TLE2: variants seen among roughly 807,000 people sequenced by gnomAD.
The protein encoded by TLE2 is transducin-like enhancer protein 2.
TLE2 carries 74 observed loss-of-function variants against 97.2 expected under a neutral mutation model. The ratio of observed to expected loss-of-function variants is 0.76; its 90% CI spans 0.63 to 0.92. The LOEUF (loss-of-function observed/expected upper bound fraction) is 0.92. Ranked by LOEUF, TLE2 falls within the 40% of genes least tolerant of loss-of-function variation. TLE2 has a pLI of 0.00. For synonymous variants in TLE2, 499 were observed against 432.1 expected, an observed-to-expected ratio of 1.15 and a Z score of -1.92; for missense variants, 1,038 against 1,008.7, an observed-to-expected ratio of 1.03 and a Z score of -0.39.
chr19:3,017,807 T>C lies in TLE2; in HGVS notation c.570+33A>G, dbSNP rs370115443. The C allele has an allele frequency of 7.5e-6, 12 of 1,606,434 alleles. 1 individual carries two copies. In the South Asian group the frequency reaches 1.2e-4, roughly 16 times the overall value. ...AGAACCAGCGTTGGCCTCCCAAGAA[T>C]ATAAAAAGAGTCCCAGGGTGCCACT... On this transcript the variant is annotated intron_variant, in intron 8 of 19. Coordinates refer to ENST00000262953, the MANE Select transcript of TLE2 (RefSeq NM_003260.5).
At chr19:2,999,110 C>A (rs1157171849) in intron 19 of TLE2, among the ~76,000 whole-genome samples, 2 of 152,004 alleles carry the variant, frequency 1.3e-5, no homozygotes, top group Admixed American at 1.3e-4. Context: ...GGGGAATCCC[C>A]GTCTCTACTA....
intron 11 of TLE2, among the ~76,000 whole-genome samples, chr19:3,011,511 G>C (rs1180191006): frequency 8.3e-6 from 1 of 119,910 alleles, no homozygotes; most frequent in Non-Finnish European, 1.7e-5. Flanking sequence ...CAGCCTGGGA[G>C]ACAGAGCGAC....
chr19:3,009,457 C>G (rs2089543650), intron 13 of TLE2, 85 bp downstream of exon 13: 2 of 1,442,012 alleles, frequency 1.4e-6, no homozygotes, highest in East Asian at 2.5e-5. Context: ...ACTCCCTTGT[C>G]TCTCCTTGTG....
upstream of TLE2, chr19:3,029,703 C>T (rs186210105): frequency 6.1e-3 from 939 of 152,690 alleles, 14 homozygotes; most frequent in Non-Finnish European, 5.0e-3. Flanking sequence ...AAGGGAATCT[C>T]ACAGCAAACA....
intron 5 of TLE2, chr19:3,020,300 A>G (rs1484708069): frequency 6.5e-6 from 1 of 154,336 alleles, no homozygotes; most frequent in Non-Finnish European, 1.4e-5. Context: ...AACCAAAGAC[A>G]TCTGGGGCTG....
chr19:3,014,691 G>T (rs767687919), intron 9 of TLE2, 77 bp from the exon 10 acceptor site: 130 of 1,377,306 alleles, frequency 9.4e-5, no homozygotes, highest in Non-Finnish European at 1.2e-4. Context: ...CTCAGGAGTT[G>T]GAGGCATGAG....
At chr19:3,006,740 G>A in intron 14 of TLE2, 71 bp from the exon 15 acceptor site, 1 of 1,513,806 alleles carries the variant, frequency 6.6e-7, no homozygotes, top group South Asian at 1.3e-5. Context: ...GGAGGGCAGG[G>A]AGACGCCTTT....
chr19:3,041,009 A>AT (rs2090097410), intron 1 of TLE2, among the ~76,000 whole-genome samples: 3 of 36,808 alleles, frequency 8.2e-5, no homozygotes, highest in Non-Finnish European at 1.4e-4. Context: ...ATATATATAT[A>AT]TATATTTTTT....
intron 19 of TLE2, among the ~76,000 whole-genome samples, chr19:3,000,310 C>T (rs1409216872): frequency 1.3e-5 from 2 of 151,784 alleles, no homozygotes; most frequent in East Asian, 3.9e-4. Flanking sequence ...CTCCTGACCT[C>T]GTGATCCGCC....
chr19:3,035,003 G>A (rs773867788), intron 1 of TLE2, among the ~76,000 whole-genome samples: 3 of 152,186 alleles, frequency 2.0e-5, no homozygotes, highest in African/African-American at 7.2e-5. Context: ...TCTTTACCCA[G>A]CAGTCTTCAG....
chr19:3,005,011 G>A (rs1039457093), intron 17 of TLE2, among the ~76,000 whole-genome samples: 13 of 151,956 alleles, frequency 8.6e-5, no homozygotes. Context: ...TCCATGCCCA[G>A]CTCCTCCTAC....
Position 3,027,862 on chromosome 19 carries a change from C to T in TLE2, c.198G>A (p.Met66Ile). The change falls in exon 4 of 20, where the codon ATG becomes ATA. Residue 66 changes from methionine (M) to isoleucine (I), a missense_variant. Met to Ile is a conservative substitution (Grantham distance 10, BLOSUM62 1). Coordinates refer to ENST00000262953, the MANE Select transcript of TLE2 (RefSeq NM_003260.5). Reference sequence around the variant, plus strand: ...GCATTTCAATGTTGAGCCCGTACGACATCTCATAATACTGCAAAGGAAAAA... The same window carrying T: ...GCATTTCAATGTTGAGCCCGTACGATATCTCATAATACTGCAAAGGAAAAA... The part of the protein sequence containing the change: ...MQRHYVMYYE[M>I]SYGLNIEMHK... The T allele has an allele frequency of 1.2e-6, 2 of 1,611,296 alleles. No individual in the cohort carries two copies. Among genetic ancestry groups the T allele is most frequent in the Non-Finnish European group, 1.7e-6 (2 of 1,178,916 alleles).
At chr19:2,998,849 G>C (rs911000912) in intron 19 of TLE2, among the ~76,000 whole-genome samples, 5 of 152,188 alleles carry the variant, frequency 3.3e-5, no homozygotes, top group Non-Finnish European at 7.3e-5. Flanking sequence ...TGTGCACCAG[G>C]CATGATGTCA....
chr19:3,046,525 G>A (rs2090142213), upstream of TLE2, among the ~76,000 whole-genome samples: 2 of 152,180 alleles, frequency 1.3e-5, 1 homozygote, highest in South Asian at 4.1e-4. Flanking sequence ...CAGATGGGGG[G>A]AAATGGAGGA....
At chr19:3,022,816 G>T (rs1375392181) in intron 5 of TLE2, among the ~76,000 whole-genome samples, 1 of 151,980 alleles carries the variant, frequency 6.6e-6, no homozygotes, top group Non-Finnish European at 1.5e-5. Flanking sequence ...TTCTAGAAAG[G>T]GCCAGAGAGT....
intron 12 of TLE2, among the ~76,000 whole-genome samples, 182 bp from the exon 13 acceptor site, chr19:3,009,884 TCTC>T (rs1255384666): frequency 2.4e-5 from 1 of 41,358 alleles, no homozygotes; most frequent in Non-Finnish European, 4.3e-5. Flanking sequence ...ACTTTCTCTC[TCTC>T]TTTTTTTCTT....
chr19:3,019,208 T>C lies in TLE2; in HGVS notation c.550+75A>G, dbSNP rs2145178825. 4 of 1,521,344 alleles carry C rather than the reference T, an allele frequency of 2.6e-6. 1 individual carries two copies. The South Asian group carries it at 3.6e-5, about 14-fold the overall frequency. 94.2% of individuals were successfully genotyped at this position (1,521,344 alleles called of 1,614,324 possible). A position where few individuals can be genotyped will look rare whatever the true frequency, so the allele number is the denominator to read the frequency against. Reference sequence around the variant, plus strand: ...CCACTTCATCCCCTCACGCTGATGTTTGCTACCCTGGACTGCCAGTCGTCC... The same window carrying C: ...CCACTTCATCCCCTCACGCTGATGTCTGCTACCCTGGACTGCCAGTCGTCC... On this transcript the variant is annotated intron_variant, in intron 7 of 19. Coordinates refer to ENST00000262953, the MANE Select transcript of TLE2 (RefSeq NM_003260.5). This position sits in a 1 kb window ranked among gnomAD's most constrained non-coding sequence, Gnocchi z 5.1.
rs768305002 is a variant in TLE2 at position 3,006,010 on chromosome 19, G to A, written c.1501-42C>T. 4 of 1,608,204 alleles carry A rather than the reference G, an allele frequency of 2.5e-6. No individual in the cohort carries two copies. The East Asian group carries it at 6.7e-5, about 27-fold the overall frequency. ...AAGCAGGGGCTGGGGGTTGGTCCCAGGTGAGGTCTCTAGGAGCCTAGCTCA... is the reference window on the plus strand; with the variant it reads ...AAGCAGGGGCTGGGGGTTGGTCCCAAGTGAGGTCTCTAGGAGCCTAGCTCA... On this transcript the variant is annotated intron_variant, in intron 15 of 19. Transcript: ENST00000262953.
In TLE2 at chr19:3,019,240, G is replaced by C; in HGVS notation, c.550+43C>G. Reference sequence around the variant, plus strand: ...CCTGGACTGCCAGTCGTCCTCCCCAGCCCCGTCTCCCCAGCCAATGCCACC... The same window carrying C: ...CCTGGACTGCCAGTCGTCCTCCCCACCCCCGTCTCCCCAGCCAATGCCACC... On this transcript the variant is annotated intron_variant, in intron 7 of 19. Transcript: ENST00000262953. This position sits in a 1 kb window ranked among gnomAD's most constrained non-coding sequence, Gnocchi z 5.1. The C allele has an allele frequency of 6.5e-7, 1 of 1,546,656 alleles. No individual in the cohort carries two copies. Among genetic ancestry groups the C allele is most frequent in the South Asian group, 1.2e-5 (1 of 84,422 alleles).
Sources: allele counts gnomAD v4.1 joint callset (sites outside exome capture counted in the v4.1 genomes callset), GRCh38; gene constraint gnomAD v4.1.1; non-coding constraint Gnocchi (gnomAD v3.1); transcripts MANE v1.5; gene names NCBI Gene and HGNC (gene_info 2026-07-23, HGNC 2026-07-21).